The following SNX31 variants were observed in gnomAD, a reference collection of about 807,000 sequenced individuals.
SNX31 encodes the protein sorting nexin 31.
Under a neutral mutation model 65.4 loss-of-function variants are expected in SNX31, and 58 were observed. That is an observed-to-expected ratio of 0.89 (90% CI 0.72 to 1.10). The LOEUF is 1.10. Ranked by LOEUF, SNX31 falls within the 50% of genes least tolerant of loss-of-function variation. SNX31 has a pLI of 0.00. For missense variants in SNX31, 523 were observed against 529.7 expected, an observed-to-expected ratio of 0.99 and a Z score of 0.12; for synonymous variants, 181 against 190.1, an observed-to-expected ratio of 0.95 and a Z score of 0.39.
intron 1 of SNX31, among the ~76,000 whole-genome samples, chr8:100,656,850 T>C (rs572025475): frequency 1.8e-4 from 27 of 152,294 alleles, no homozygotes; most frequent in Non-Finnish European, 3.4e-4. Context: ...TTTCATTTCC[T>C]TTCTCTTAGA....
chr8:100,616,555 C>A (rs1452762696), intron 5 of SNX31, among the ~76,000 whole-genome samples: 3 of 152,150 alleles, frequency 2.0e-5, no homozygotes, highest in Admixed American at 6.6e-5. Flanking sequence ...GCTTTTGATA[C>A]TTTTTAGAAA....
rs543420153 is a variant in SNX31 at position 100,595,703 on chromosome 8, C to G, written c.978+936G>C. On this transcript the variant is annotated intron_variant, in intron 10 of 13. Transcript: ENST00000311812. ...AGTAGGGAACACAGACAGAAGAACC[C>G]CATGAAAGGCATAAGGTGGAAAAGG... is the stretch of plus-strand genomic sequence containing the variant. 2.0e-5 allele frequency among the ~76,000 whole-genome samples: 3 copies of G among 152,198 alleles called. 1 individual carries two copies. The South Asian group carries it at 6.2e-4, about 32-fold the overall frequency.
chr8:100,627,796 C>A (rs1307074881), intron 4 of SNX31, among the ~76,000 whole-genome samples: 1 of 152,032 alleles, frequency 6.6e-6, no homozygotes, highest in Admixed American at 6.6e-5. Flanking sequence ...CTCAGCCTCC[C>A]AAAGTGCTGG....
At chr8:100,635,200 C>A (rs1818675351) in intron 3 of SNX31, among the ~76,000 whole-genome samples, 1 of 133,232 alleles carries the variant, frequency 7.5e-6, no homozygotes, top group Non-Finnish European at 1.7e-5. Context: ...CCAGCCTGGG[C>A]AACATAGTGA....
intron 12 of SNX31, among the ~76,000 whole-genome samples, chr8:100,583,512 T>G (rs1425111595): frequency 6.6e-6 from 1 of 152,160 alleles, no homozygotes; most frequent in African/African-American, 2.4e-5. Flanking sequence ...TAAAATATAA[T>G]TTTTTCACAG....
chr8:100,610,323 T>G lies in SNX31; in HGVS notation c.611+1677A>C, dbSNP rs1219198012. ...ATCTCTCCTTTGATCTCAGGTTTTA[T>G]GAAGCGCACATGAGTGAAAATCTAA... On this transcript the variant is annotated intron_variant, in intron 7 of 13. Transcript: ENST00000311812. The surrounding 1 kb of genome is among the most constrained non-coding windows in gnomAD (Gnocchi z 4.0). Among the ~76,000 whole-genome samples, 1 of 151,564 alleles carries G rather than the reference T, an allele frequency of 6.6e-6. No homozygotes were observed. Among genetic ancestry groups the G allele is most frequent in the Non-Finnish European group, 1.5e-5 (1 of 67,970 alleles).
In SNX31 at chr8:100,573,910, A is replaced by G. The variant is rs1812815903; in HGVS notation, c.1278T>C (p.Ala426=). 11 of 1,591,300 alleles carry G rather than the reference A, an allele frequency of 6.9e-6. No homozygotes were observed. Among genetic ancestry groups the G allele is most frequent in the South Asian group, 6.9e-5 (6 of 87,470 alleles). The part of the protein sequence containing the change: ...FLSRKSKIKI[A]KDDCVFGNIK... ...TGTTCCCAAAAACGCAGTCATCTTT[A>G]GCTATCTTAATCTTGCTTTTTCTTG... The change falls in exon 14 of 14, where the codon GCT becomes GCC. Residue 426 remains alanine, a synonymous_variant. Coordinates refer to ENST00000311812, the MANE Select transcript of SNX31 (RefSeq NM_152628.4).
intron 10 of SNX31, among the ~76,000 whole-genome samples, chr8:100,591,539 A>G (rs1027697805): frequency 1.8e-4 from 28 of 151,966 alleles, no homozygotes; most frequent in Admixed American, 7.2e-4. Context: ...GCAAGCATCA[A>G]AAAAGTAAAA....
chr8:100,651,962 G>A (rs985589029), upstream of SNX31, among the ~76,000 whole-genome samples: 2 of 149,960 alleles, frequency 1.3e-5, no homozygotes, highest in African/African-American at 4.9e-5. Flanking sequence ...CTTGACAAGC[G>A]CACCCTTTAC....
At chr8:100,635,677 C>T (rs948966253) in intron 3 of SNX31, among the ~76,000 whole-genome samples, 1 of 151,682 alleles carries the variant, frequency 6.6e-6, no homozygotes, top group Non-Finnish European at 1.5e-5. Flanking sequence ...TGGTAGTTGC[C>T]AGGGCGTGGT....
At chr8:100,600,478 G>T in intron 8 of SNX31, 37 bp from the exon 9 acceptor site, 1 of 1,550,482 alleles carries the variant, frequency 6.4e-7, no homozygotes, top group Non-Finnish European at 8.8e-7. Context: ...AGCAGTCTTA[G>T]CAGAAATTAA....
intron 8 of SNX31, among the ~76,000 whole-genome samples, chr8:100,602,632 T>C (rs981874445): frequency 6.6e-6 from 1 of 152,234 alleles, no homozygotes; most frequent in Non-Finnish European, 1.5e-5. Flanking sequence ...ACTCTTGCAC[T>C]TTAGGGCCAT....
At chr8:100,589,113 C>G in intron 10 of SNX31, 134 bp from the exon 11 acceptor site, 1 of 555,184 alleles carries the variant, frequency 1.8e-6, no homozygotes. Flanking sequence ...CCATCCTGGC[C>G]AACATGGTGA....
chr8:100,657,999 C>A (rs549374025), intron 1 of SNX31: 15 of 355,868 alleles, frequency 4.2e-5, no homozygotes, highest in African/African-American at 2.8e-4. Context: ...TTTGTTTAGA[C>A]CTCGGCAGGT....
chr8:100,652,211 C>T (rs1436941464), upstream of SNX31, among the ~76,000 whole-genome samples: 1 of 152,190 alleles, frequency 6.6e-6, no homozygotes, highest in African/African-American at 2.4e-5. Context: ...ATCTCCTGAC[C>T]TCATGATCTA....
chr8:100,597,588 G>A lies in SNX31; in HGVS notation c.775-746C>T, dbSNP rs554459293. Among the ~76,000 whole-genome samples the A allele has an allele frequency of 3.5e-4, 54 of 152,350 alleles. 2 individuals carry two copies. In the South Asian group the frequency reaches 0.011, roughly 31 times the overall value. The stretch of plus-strand genomic sequence containing the variant: ...AACTAAGCTGAGATCTATGTAGGAA[G>A]AAAAGTGGTTCATTTCTACAGGCTG... On this transcript the variant is annotated intron_variant, in intron 9 of 13. Coordinates refer to ENST00000311812, the MANE Select transcript of SNX31 (RefSeq NM_152628.4).
upstream of SNX31, among the ~76,000 whole-genome samples, chr8:100,650,467 G>C (rs1807960): frequency 0.47 from 71,297 of 151,982 alleles, 17,094 homozygotes; most frequent in African/African-American, 0.55. Flanking sequence ...TCATGGGTCT[G>C]AGTCGTTTAC....
chr8:100,631,437 CTTTT>C (rs10652417), intron 3 of SNX31, among the ~76,000 whole-genome samples: 11 of 129,624 alleles, frequency 8.5e-5, no homozygotes, highest in Non-Finnish European at 6.3e-5. Flanking sequence ...TGCTGTTTTA[CTTTT>C]TTTTTTTTTT....
chr8:100,602,876 A>G (rs1211835292), intron 8 of SNX31, among the ~76,000 whole-genome samples: 4 of 152,210 alleles, frequency 2.6e-5, no homozygotes, highest in African/African-American at 7.2e-5. Flanking sequence ...ATATTTTCAG[A>G]CCATGCTTGA....
Sources: allele counts gnomAD v4.1 joint callset (sites outside exome capture counted in the v4.1 genomes callset), GRCh38; gene constraint gnomAD v4.1.1; non-coding constraint Gnocchi (gnomAD v3.1); transcripts MANE v1.5; gene names NCBI Gene and HGNC (gene_info 2026-07-23, HGNC 2026-07-21).